Variants in POLI observed in about 807,000 individuals in gnomAD.
POLI encodes the protein RAD30 homolog B.
In POLI, 58 loss-of-function variants were observed where a neutral mutation model predicts 51.6. The ratio of observed to expected loss-of-function variants is 1.12; its 90% CI spans 0.91 to 1.40. POLI has a LOEUF of 1.40. Among genes scored for constraint, POLI ranks in the 40% most tolerant of loss-of-function variants. The pLI is 0.00. For missense variants in POLI, 921 were observed against 871.3 expected (o/e 1.06, Z -0.72); for synonymous variants, 322 against 299.7 (o/e 1.07, Z -0.77).
At chr18:54,308,467 G>A (rs2088623528) in intron 3 of POLI, among the ~76,000 whole-genome samples, 1 of 152,192 alleles carries the variant, frequency 6.6e-6, no homozygotes, top group South Asian at 2.1e-4. Context: ...AGTCTGATGG[G>A]CTTCCCTTTG....
At chr18:54,299,143 A>G (rs2088445855), downstream of POLI, among the ~76,000 whole-genome samples, 1 of 152,154 alleles carries the variant, frequency 6.6e-6, no homozygotes, top group Admixed American at 6.6e-5. Context: ...AAGCCTGTTG[A>G]CAGAGCCTGG....
chr18:54,282,720 G>A (rs2087560602), intron 5 of POLI, 117 bp from the exon 6 acceptor site: 1 of 614,398 alleles, frequency 1.6e-6, no homozygotes, highest in Non-Finnish European at 2.7e-6. Flanking sequence ...GATAAGGGGG[G>A]ACTACTGTAT....
chr18:54,298,956 T>C (rs868504812), downstream of POLI, among the ~76,000 whole-genome samples: 2 of 152,126 alleles, frequency 1.3e-5, no homozygotes, highest in Admixed American at 6.5e-5. Context: ...TTAGTAAATA[T>C]AGGTATGACT....
chr18:54,301,975 C>T (rs567267160), downstream of POLI, among the ~76,000 whole-genome samples: 4 of 152,260 alleles, frequency 2.6e-5, no homozygotes, highest in South Asian at 4.1e-4. Flanking sequence ...TTTCCTTATA[C>T]TGTATAGTCT....
In POLI at chr18:54,295,118, A is replaced by T; in HGVS notation, c.*651A>T. Reference sequence around the variant, plus strand: ...TTAAAGTGAGAGGAGGGTATATGTTATAGAGAACAGTGGTAGAAGGAACTC... The same window carrying T: ...TTAAAGTGAGAGGAGGGTATATGTTTTAGAGAACAGTGGTAGAAGGAACTC... On this transcript the variant is annotated 3_prime_UTR_variant, in exon 10 of 10. Transcript: ENST00000579534. 23 of 985,528 alleles carry T rather than the reference A, an allele frequency of 2.3e-5. No individual in the cohort carries two copies. The highest frequency in any genetic ancestry group is 2.8e-5 in the Non-Finnish European group (23 of 829,994). The allele number at this position is 985,528 out of a possible 1,614,324, so 61.0% of individuals were successfully genotyped here. A position where few individuals can be genotyped will look rare whatever the true frequency, so the allele number is the denominator to read the frequency against.
intron 3 of POLI, among the ~76,000 whole-genome samples, chr18:54,312,543 A>G (rs2088682152): frequency 6.6e-6 from 1 of 152,168 alleles, no homozygotes; most frequent in Non-Finnish European, 1.5e-5. Flanking sequence ...ACTGCTTTCC[A>G]CAGTGGCTGA....
At chr18:54,277,284 T>C (rs1229623541) in intron 3 of POLI, among the ~76,000 whole-genome samples, 2 of 152,184 alleles carry the variant, frequency 1.3e-5, no homozygotes, top group African/African-American at 4.8e-5. Context: ...TTTGCCTCTT[T>C]TAAACTCTTG....
intron 9 of POLI, 38 bp downstream of exon 9, chr18:54,292,076 C>T: frequency 8.1e-7 from 1 of 1,231,590 alleles, no homozygotes; most frequent in Non-Finnish European, 1.2e-6. Flanking sequence ...TCTAAGTATA[C>T]TCTTATGGGA....
chr18:54,274,522 A>G (rs117148738), intron 3 of POLI, among the ~76,000 whole-genome samples: 1,742 of 151,966 alleles, frequency 0.011, 14 homozygotes, highest in Non-Finnish European at 0.016. Context: ...TTTCTTATGA[A>G]ATATTAATAA....
intron 1 of POLI, 122 bp from the exon 2 acceptor site, chr18:54,271,238 T>C: frequency 1.3e-6 from 1 of 766,996 alleles, no homozygotes; most frequent in Non-Finnish European, 2.0e-6. Context: ...TCACACATAA[T>C]CCAGGAGAAA....
intron 3 of POLI, among the ~76,000 whole-genome samples, chr18:54,274,386 T>C (rs1464750753): frequency 6.6e-6 from 1 of 152,074 alleles, no homozygotes; most frequent in Non-Finnish European, 1.5e-5. Flanking sequence ...AACTGTACTG[T>C]AAAAGATGCC....
In POLI at chr18:54,295,411, A is replaced by G; in HGVS notation, c.*944A>G. 1 of 977,164 alleles carries G rather than the reference A, an allele frequency of 1.0e-6. No individual in the cohort carries two copies. The highest frequency in any genetic ancestry group is 1.2e-6 in the Non-Finnish European group (1 of 822,460). The allele number at this position is 977,164 out of a possible 1,614,324, so 60.5% of individuals were successfully genotyped here. A position where few individuals can be genotyped will look rare whatever the true frequency, so the allele number is the denominator to read the frequency against. On this transcript the variant is annotated 3_prime_UTR_variant, in exon 10 of 10. Coordinates refer to ENST00000579534, the MANE Select transcript of POLI (RefSeq NM_007195.3). ...TTTTGCCTGCTAAACTAAAAATTGG[A>G]TATAAGATTGAGAATGTATTATATA...
At chr18:54,316,771 T>C (rs1008401244) in intron 3 of POLI, among the ~76,000 whole-genome samples, 1 of 152,166 alleles carries the variant, frequency 6.6e-6, no homozygotes, top group Non-Finnish European at 1.5e-5. Flanking sequence ...AAGCTGCTTA[T>C]AGTACATTGG....
At position 54,293,850 on chromosome 18, in the gene POLI, C is replaced by T; in HGVS notation, c.1606C>T (p.Pro536Ser). 6.2e-7 allele frequency: 1 copy of T among 1,610,880 alleles called. No homozygotes were observed. Among genetic ancestry groups the T allele is most frequent in the Middle Eastern group, 1.6e-4 (1 of 6,062 alleles). The change falls in exon 10 of 10, where the codon CCA becomes TCA. Residue 536 changes from proline (P) to serine (S), a missense_variant. Transcript: ENST00000579534. ...GVDQEVFKQL[P>S]VDIQEEILSG... ...TGACCAAGAAGTCTTCAAGCAGCTT[C>T]CAGTAGATATTCAAGAAGAAATCCT...
rs576068618 is a variant in POLI, at chr18:54,287,253, C to T, written c.1068-28C>T. On this transcript the variant is annotated intron_variant, in intron 7 of 9. Coordinates refer to ENST00000579534, the MANE Select transcript of POLI (RefSeq NM_007195.3). ...TAAAAAGGTAATACTTTTCTAATTC[C>T]TTATTTCCACTTTCTCTTTATTTTT... 9.5e-6 allele frequency: 14 copies of T among 1,478,838 alleles called. No homozygotes were observed. The African/African-American group carries it at 1.5e-4, about 16-fold the overall frequency. The allele number at this position is 1,478,838 out of a possible 1,614,324, so 91.6% of individuals were successfully genotyped here. A position where few individuals can be genotyped will look rare whatever the true frequency, so the allele number is the denominator to read the frequency against.
At position 54,277,869 on chromosome 18, in the gene POLI, TATTC is replaced by T. The variant is rs1359256191; in HGVS notation, c.559+19_559+22del. Reference sequence around the variant, plus strand: ...ACAATAATCAGTGTGAGTGGGTTCTTATTCATTCTACCTACTAACCAAAAGTACA... The same window carrying T: ...ACAATAATCAGTGTGAGTGGGTTCTTATTCTACCTACTAACCAAAAGTACA... On this transcript the variant is annotated intron_variant, in intron 4 of 9. Coordinates refer to ENST00000579534, the MANE Select transcript of POLI (RefSeq NM_007195.3). The T allele has an allele frequency of 2.3e-5, 37 of 1,583,198 alleles. No individual in the cohort carries two copies. The highest frequency in any genetic ancestry group is 3.6e-5 in the Admixed American group (2 of 55,978).
chr18:54,288,664 A>G (rs2087858448), intron 8 of POLI, among the ~76,000 whole-genome samples: 1 of 151,682 alleles, frequency 6.6e-6, no homozygotes, highest in Non-Finnish European at 1.5e-5. Flanking sequence ...TTTTCTTACA[A>G]AGTGGATAAT....
At chr18:54,303,085 A>G (rs868522468), downstream of POLI, among the ~76,000 whole-genome samples, 2 of 152,228 alleles carry the variant, frequency 1.3e-5, no homozygotes, top group East Asian at 1.9e-4. Flanking sequence ...TGCTATTTGA[A>G]TTACAGCTGT....
rs773170660 is a variant in POLI, at chr18:54,293,801, A to G, written c.1557A>G (p.Pro519=). The stretch of plus-strand genomic sequence containing the variant: ...AAGAAAAAGACATTAATGAATTCCC[A>G]CTCTGTTCACTTCCTGAAGGTGTTG... ...FSKEKDINEF[P]LCSLPEGVDQ... Residue 519 remains proline, a synonymous_variant, in exon 10 of 10, where the codon CCA becomes CCG. Coordinates refer to ENST00000579534, the MANE Select transcript of POLI (RefSeq NM_007195.3). The G allele has an allele frequency of 1.2e-6, 2 of 1,607,474 alleles. No homozygotes were observed. The highest frequency in any genetic ancestry group is 1.3e-5 in the African/African-American group (1 of 74,780).
Sources: gnomAD v4.1 joint callset for allele counts (sites outside exome capture counted in the v4.1 genomes callset) on GRCh38, gnomAD v4.1.1 for gene constraint, MANE v1.5 for transcripts, NCBI Gene and HGNC (gene_info 2026-07-23, HGNC 2026-07-21) for gene names.